Variants in DRP2 observed in about 807,000 individuals in gnomAD.
DRP2 encodes dystrophin related protein 2.
In DRP2, 29 loss-of-function variants were observed where a neutral mutation model predicts 78.2. The ratio of observed to expected loss-of-function variants is 0.37; its 90% CI spans 0.28 to 0.51. The LOEUF (loss-of-function observed/expected upper bound fraction) is 0.51, where lower values mean the gene tolerates loss of function less well. DRP2 is among the 20% of genes least tolerant of loss of function. The pLI is 0.94. For synonymous variants in DRP2, 290 were observed against 281.9 expected, an observed-to-expected ratio of 1.03 and a Z score of -0.29; for missense variants, 686 against 770.6, an observed-to-expected ratio of 0.89 and a Z score of 1.30.
intron 9 of DRP2, among the ~76,000 whole-genome samples, chrX:101,244,263 G>A (rs1302536435): frequency 7.2e-5 from 8 of 111,540 alleles, no homozygotes; most frequent in Non-Finnish European, 1.5e-4. Flanking sequence ...CAGACTAGGG[G>A]GCTGGTAGCA....
chrX:101,250,731 G>C, intron 15 of DRP2, 151 bp downstream of exon 15: 1 of 938,372 alleles, frequency 1.1e-6, no homozygotes, highest in Non-Finnish European at 1.5e-6. Context: ...AGGGTTCTCT[G>C]GGCTCTAGAA....
In DRP2 at chrX:101,235,960, C is replaced by T. The variant is rs1358972959; in HGVS notation, c.218C>T (p.Pro73Leu). 1 of 1,211,810 alleles carries T rather than the reference C, an allele frequency of 8.3e-7. No individual in the cohort carries two copies. Among genetic ancestry groups the T allele is most frequent in the Non-Finnish European group, 1.1e-6 (1 of 895,444 alleles). The change falls in exon 4 of 24, where the codon CCC becomes CTC. Residue 73 changes from proline (P) to leucine (L), a missense_variant. Pro to Leu is a moderately conservative substitution (Grantham distance 98). This residue lies in a region of DRP2 where 263 missense variants were observed against 239.1 expected (regional missense o/e 1.10). Coordinates refer to ENST00000395209, the MANE Select transcript of DRP2 (RefSeq NM_001939.3). ...LLNGSVGASGPLEPPAMNLCW... is the reference protein window; with the variant it reads ...LLNGSVGASGLLEPPAMNLCW... The stretch of plus-strand genomic sequence containing the variant: ...AACGGGTCTGTTGGTGCCTCTGGAC[C>T]CCTGGAACCACCAGCCATGAATCTG...
intron 9 of DRP2, 174 bp downstream of exon 9, chrX:101,243,156 G>A (rs1431139037): frequency 2.4e-5 from 9 of 381,853 alleles, no homozygotes; most frequent in Admixed American, 2.3e-4. Context: ...GCTGGGCGTG[G>A]TGGCTCACAC....
intron 9 of DRP2, 98 bp from the exon 10 acceptor site, chrX:101,244,919 C>T: frequency 1.2e-6 from 1 of 834,263 alleles, no homozygotes; most frequent in Admixed American, 3.1e-5. Context: ...CCCTTTTGGG[C>T]TTGACAACCT....
intron 9 of DRP2, 150 bp downstream of exon 9, chrX:101,243,132 A>C: frequency 2.1e-6 from 1 of 473,498 alleles, no homozygotes; most frequent in Non-Finnish European, 3.5e-6. Context: ...AGTGGTTAAA[A>C]GAACAGTCTC....
chrX:101,248,491 CA>C, intron 13 of DRP2, 22 bp from the exon 14 acceptor site: 3 of 1,201,033 alleles, frequency 2.5e-6, no homozygotes, highest in Non-Finnish European at 3.4e-6. Context: ...TTCATATTCT[CA>C]GTCTCTTCTT....
chrX:101,243,114 T>C (rs927409301), intron 9 of DRP2, 132 bp downstream of exon 9: 6 of 543,331 alleles, frequency 1.1e-5, no homozygotes, highest in Admixed American at 9.9e-5. Flanking sequence ...GATAAAACAG[T>C]GTGGTATAGT....
intron 6 of DRP2, among the ~76,000 whole-genome samples, chrX:101,239,925 C>T (rs2052913891): frequency 9.0e-6 from 1 of 110,741 alleles, no homozygotes; most frequent in African/African-American, 3.3e-5. Flanking sequence ...TGCCTGTAGT[C>T]CCAGCTACTT....
Position 101,260,929 on chromosome X carries a change from C to G in DRP2, c.*308C>G. 1 of 233,576 alleles carries G rather than the reference C, an allele frequency of 4.3e-6. No homozygotes were observed. Among genetic ancestry groups the G allele is most frequent in the Non-Finnish European group, 7.6e-6 (1 of 131,058 alleles). The allele number at this position is 233,576 out of a possible 1,213,427, so 19.2% of individuals were successfully genotyped here. A position where few individuals can be genotyped will look rare whatever the true frequency, so the allele number is the denominator to read the frequency against. ...ATCACTTGGCCATTCAGATGGGGAG[C>G]AGAGAAGCTGCCTTGCAGAGCTAAG... is the stretch of plus-strand genomic sequence containing the variant. On this transcript the variant is annotated 3_prime_UTR_variant, in exon 24 of 24. Coordinates refer to ENST00000395209, the MANE Select transcript of DRP2 (RefSeq NM_001939.3).
intron 3 of DRP2, 71 bp from the exon 4 acceptor site, chrX:101,235,789 C>A: frequency 9.3e-7 from 1 of 1,076,973 alleles, no homozygotes. Flanking sequence ...ACACTTGTCT[C>A]ACCCTTGGCT....
chrX:101,243,164 C>T, intron 9 of DRP2, 182 bp downstream of exon 9: 1 of 349,543 alleles, frequency 2.9e-6, no homozygotes, highest in South Asian at 6.3e-5. Flanking sequence ...TGGTGGCTCA[C>T]ACCTGTAATC....
rs1483989067 is a variant in DRP2, at chrX:101,242,376, G to T, written c.880G>T (p.Asp294Tyr). 9.9e-6 allele frequency: 12 copies of T among 1,210,119 alleles called. No individual in the cohort carries two copies. The highest frequency in any genetic ancestry group is 2.2e-5 in the Admixed American group (1 of 45,789). The part of the protein sequence containing the change: ...PMKDGVKLVN[D>Y]LAHQLAISDV... ...GAAAGATGGAGTAAAGTTGGTGAAT[G>T]ATCTGGCCCACCAACTTGCCATTTC... Residue 294 changes from aspartate to tyrosine, a missense_variant, in exon 8 of 24, where the codon GAT becomes TAT. Asp to Tyr is a radical substitution (Grantham distance 160). This residue lies in a region of DRP2 where 263 missense variants were observed against 239.1 expected (regional missense o/e 1.10). Transcript: ENST00000395209.
chrX:101,245,201 C>T, intron 10 of DRP2, 124 bp downstream of exon 10: 1 of 844,350 alleles, frequency 1.2e-6, no homozygotes, highest in East Asian at 3.1e-5. Context: ...CGGTTTTTCT[C>T]CTACTCATCT....
At chrX:101,235,627 A>T (rs1166124307) in intron 3 of DRP2, among the ~76,000 whole-genome samples, 1 of 112,531 alleles carries the variant, frequency 8.9e-6, no homozygotes, top group Non-Finnish European at 1.9e-5. Flanking sequence ...ATGAGTAACA[A>T]TAATAGTAGG....
rs1420068779 is a variant in DRP2 at position 101,262,674 on chromosome X, A to G, written c.*2053A>G. ...TCCAGGGTGTCAGACTTCACAGCAT[A>G]ACATCTGCCTTAGTGTTCATGAGGT... On this transcript the variant is annotated 3_prime_UTR_variant, in exon 24 of 24. Coordinates refer to ENST00000395209, the MANE Select transcript of DRP2 (RefSeq NM_001939.3). 9.0e-6 allele frequency: 1 copy of G among 111,370 alleles called. No individual in the cohort carries two copies. Among genetic ancestry groups the G allele is most frequent in the Non-Finnish European group, 1.9e-5 (1 of 53,075 alleles). The allele number at this position is 111,370 out of a possible 1,213,427, so 9.2% of individuals were successfully genotyped here. A position where few individuals can be genotyped will look rare whatever the true frequency, so the allele number is the denominator to read the frequency against.
In DRP2 at chrX:101,230,523, G is replaced by A. The variant is rs182890953; in HGVS notation, c.-63-1062G>A. Among the ~76,000 whole-genome samples, 489 of 110,494 alleles carry A rather than the reference G, an allele frequency of 4.4e-3. 3 individuals are homozygous for A. The highest frequency in any genetic ancestry group is 5.9e-3 in the Non-Finnish European group (314 of 52,841). On this transcript the variant is annotated intron_variant, in intron 2 of 23. Coordinates refer to ENST00000395209, the MANE Select transcript of DRP2 (RefSeq NM_001939.3). Reference sequence around the variant, plus strand: ...CCTGGGCAACAAGAGCGAGACTCCCGTCTAAAATAAATAAATAAATAAATA... The same window carrying A: ...CCTGGGCAACAAGAGCGAGACTCCCATCTAAAATAAATAAATAAATAAATA...
In DRP2 at chrX:101,224,191, G is replaced by GTTTTTT. The variant is rs1167730116; in HGVS notation, c.-166-388_-166-383dup. Among the ~76,000 whole-genome samples the GTTTTTT allele has an allele frequency of 3.6e-3, 139 of 38,851 alleles. 4 individuals carry two copies. Among genetic ancestry groups the GTTTTTT allele is most frequent in the South Asian group, 5.4e-3 (2 of 373 alleles). The allele number at this position is 38,851 out of a possible 115,157, so 33.7% of individuals were successfully genotyped here. ...AATAAATGTTTGCTGGGTTTTTTTT[G>GTTTTTT]TTTTTTTTTTTTTTTTTTTTTTTTT... On this transcript the variant is annotated intron_variant, in intron 1 of 23. Coordinates refer to ENST00000395209, the MANE Select transcript of DRP2 (RefSeq NM_001939.3).
intron 21 of DRP2, among the ~76,000 whole-genome samples, 196 bp downstream of exon 21, chrX:101,256,457 G>A (rs1164787004): frequency 8.9e-6 from 1 of 111,847 alleles, no homozygotes; most frequent in Non-Finnish European, 1.9e-5. Context: ...AAGACCAAAT[G>A]AGATCAGGCA....
intron 3 of DRP2, among the ~76,000 whole-genome samples, chrX:101,232,266 T>A (rs1431269588): frequency 9.0e-6 from 1 of 111,103 alleles, no homozygotes; most frequent in Non-Finnish European, 1.9e-5. Flanking sequence ...GCTCCTGTAG[T>A]AGTGCGATGG....
Sources: allele counts gnomAD v4.1 joint callset (sites outside exome capture counted in the v4.1 genomes callset), GRCh38; gene constraint gnomAD v4.1.1; regional missense constraint gnomAD v4.1.1; transcripts MANE v1.5; gene names NCBI Gene and HGNC (gene_info 2026-07-23, HGNC 2026-07-21).